YARS2: variants seen among roughly 807,000 people sequenced by gnomAD.
YARS2 encodes the protein tyrosine--tRNA ligase, mitochondrial.
YARS2 carries 38 observed loss-of-function variants against 45.0 expected under a neutral mutation model. The ratio of observed to expected loss-of-function variants is 0.84; its 90% CI spans 0.65 to 1.11. The LOEUF (loss-of-function observed/expected upper bound fraction) is 1.11. YARS2 is among the 50% of genes least tolerant of loss of function. YARS2 has a pLI of 0.00. For missense variants in YARS2, 602 were observed against 599.8 expected (o/e 1.00, Z -0.04); for synonymous variants, 287 against 245.1 (o/e 1.17, Z -1.60).
intron 4 of YARS2, among the ~76,000 whole-genome samples, chr12:32,748,107 C>T (rs561121523): frequency 1.3e-5 from 2 of 152,264 alleles, no homozygotes; most frequent in East Asian, 3.9e-4. Context: ...GGTTTTCTCT[C>T]ATCTGAATGT....
Position 32,746,609 on chromosome 12 carries a change from C to T in YARS2, c.*595G>A, listed in dbSNP as rs961010458. Reference sequence around the variant, plus strand: ...CTGGAGTGCAGTGGCGTGATCTCAGCTCACTGCAACCTCCATCTCCTGGGT... The same window carrying T: ...CTGGAGTGCAGTGGCGTGATCTCAGTTCACTGCAACCTCCATCTCCTGGGT... On this transcript the variant is annotated 3_prime_UTR_variant, in exon 5 of 5. Coordinates refer to ENST00000324868, the MANE Select transcript of YARS2 (RefSeq NM_001040436.3). 5 of 152,078 alleles carry T rather than the reference C, an allele frequency of 3.3e-5. No individual in the cohort carries two copies. Among genetic ancestry groups the T allele is most frequent in the African/African-American group, 4.9e-5 (2 of 40,976 alleles). The allele number at this position is 152,078 out of a possible 1,614,324, so 9.4% of individuals were successfully genotyped here.
intron 1 of YARS2, among the ~76,000 whole-genome samples, 181 bp from the exon 2 acceptor site, chr12:32,754,266 A>C (rs1955804114): frequency 6.6e-6 from 1 of 152,134 alleles, no homozygotes; most frequent in Admixed American, 6.5e-5. Context: ...TCTGAACCTC[A>C]TGAGTGGTTC....
intron 4 of YARS2, among the ~76,000 whole-genome samples, chr12:32,749,177 T>G (rs1158598507): frequency 1.3e-5 from 2 of 152,188 alleles, no homozygotes; most frequent in East Asian, 3.8e-4. Flanking sequence ...TTTCAGAAAT[T>G]CAGTTAATAC....
intron 2 of YARS2, among the ~76,000 whole-genome samples, chr12:32,751,707 G>A (rs1955749190): frequency 6.6e-6 from 1 of 152,138 alleles, no homozygotes; most frequent in Non-Finnish European, 1.5e-5. Flanking sequence ...GCATTTGTTG[G>A]ATCCTCAAAA....
At chr12:32,748,510 G>A (rs377124340) in intron 4 of YARS2, among the ~76,000 whole-genome samples, 1 of 152,208 alleles carries the variant, frequency 6.6e-6, no homozygotes, top group East Asian at 1.9e-4. Flanking sequence ...TAAATCAGAT[G>A]TGGTGTCATT....
Position 32,747,032 on chromosome 12 carries a change from CA to C in YARS2, c.*171del. The C allele has an allele frequency of 1.6e-6, 1 of 621,580 alleles. No homozygotes were observed. Among genetic ancestry groups the C allele is most frequent in the Non-Finnish European group, 2.8e-6 (1 of 362,660 alleles). The allele number at this position is 621,580 out of a possible 1,614,324, so 38.5% of individuals were successfully genotyped here. ...GAAAATAAAACATCCCATTATTAAA[CA>C]AATATTTATTAACCGGCCCATAAAA... is the stretch of plus-strand genomic sequence containing the variant. On this transcript the variant is annotated 3_prime_UTR_variant, in exon 5 of 5. Transcript: ENST00000324868.
At position 32,750,736 on chromosome 12, in the gene YARS2, T is replaced by C. The variant is rs935228411; in HGVS notation, c.1086A>G (p.Gly362=). 5 of 1,614,062 alleles carry C rather than the reference T, an allele frequency of 3.1e-6. No homozygotes were observed. The African/African-American group carries it at 4.0e-5, about 13-fold the overall frequency. The change falls in exon 3 of 5, where the codon GGA becomes GGG. Residue 362 remains glycine, a synonymous_variant. Transcript: ENST00000324868. ...EVTKLVHGRE[G]LDSAKRCTQA... ...ACTACTACCTTTTAGCAGAATCCAA[T>C]CCTTCTCGTCCATGAACAAGCTTTG...
At position 32,752,686 on chromosome 12, in the gene YARS2, AGC is replaced by A. The variant is rs1565559118; in HGVS notation, c.947+1230_947+1231del. ...AACCCAGGAGGCGGAGGTTGCAATG[AGC>A]CAAGATCATGCCACTACACTCTAGC... On this transcript the variant is annotated intron_variant, in intron 2 of 4. Transcript: ENST00000324868. 3.0e-5 allele frequency: 9 copies of A among 301,912 alleles called. 1 individual carries two copies. Among genetic ancestry groups the A allele is most frequent in the South Asian group, 2.6e-4 (9 of 34,688 alleles). 18.7% of individuals were successfully genotyped at this position (301,912 alleles called of 1,614,324 possible). A position where few individuals can be genotyped will look rare whatever the true frequency, so the allele number is the denominator to read the frequency against.
At position 32,750,710 on chromosome 12, in the gene YARS2, AACT is replaced by A. The variant is rs1240730801; in HGVS notation, c.1103+6_1103+8del. The A allele has an allele frequency of 3.1e-6, 5 of 1,613,626 alleles. No homozygotes were observed. The highest frequency in any genetic ancestry group is 4.2e-6 in the Non-Finnish European group (5 of 1,179,996). On this transcript the variant is annotated splice_donor_region_variant and intron_variant, in intron 3 of 4. Coordinates refer to ENST00000324868, the MANE Select transcript of YARS2 (RefSeq NM_001040436.3). Reference sequence around the variant, plus strand: ...TAACTATCAAGTGTTAATCATACTAAACTACTACCTTTTAGCAGAATCCAATCC... The same window carrying A: ...TAACTATCAAGTGTTAATCATACTAAACTACCTTTTAGCAGAATCCAATCC...
At chr12:32,754,195 G>C in intron 1 of YARS2, 110 bp from the exon 2 acceptor site, 1 of 1,236,368 alleles carries the variant, frequency 8.1e-7, no homozygotes, top group East Asian at 2.3e-5. Context: ...AAACTTCCTT[G>C]ACCTCCTAAA....
intron 2 of YARS2, among the ~76,000 whole-genome samples, chr12:32,751,783 T>G (rs529031499): frequency 1.4e-4 from 22 of 152,278 alleles, no homozygotes; most frequent in African/African-American, 5.1e-4. Flanking sequence ...TATGAGAATC[T>G]AATGCAACCG....
intron 4 of YARS2, 150 bp from the exon 5 acceptor site, chr12:32,747,513 T>A: frequency 2.6e-6 from 2 of 782,170 alleles, no homozygotes; most frequent in Non-Finnish European, 4.2e-6. Flanking sequence ...TGCTCTATTA[T>A]TAATAGATTC....
rs2137650586 is a variant in YARS2, at chr12:32,750,031, TA to T, written c.1179del (p.Phe393LeufsTer18). The T allele has an allele frequency of 6.2e-7, 1 of 1,614,098 alleles. No individual in the cohort carries two copies. Among genetic ancestry groups the T allele is most frequent in the Non-Finnish European group, 8.5e-7 (1 of 1,179,946 alleles). Reference protein sequence around the residue: ...VMSDQELKELFKEAPFSEFFL... With the variant: ...VMSDQELKELXKEAPFSEFFL... ...AAAAATTCAGAAAATGGAGCTTCTT[TA>T]AACAACTCTTTTAACTCCTGATCAG... On this transcript the variant is annotated frameshift_variant, in exon 4 of 5. Transcript: ENST00000324868. LOFTEE classifies it high-confidence loss of function.
At chr12:32,750,639 T>G in intron 3 of YARS2, 80 bp downstream of exon 3, 1 of 1,573,332 alleles carries the variant, frequency 6.4e-7, no homozygotes, top group South Asian at 1.1e-5. Flanking sequence ...GACAAGATAA[T>G]CCTAAAACAT....
Position 32,755,837 on chromosome 12 carries a change from C to T in YARS2, c.38G>A (p.Arg13Gln). The T allele has an allele frequency of 6.2e-7, 1 of 1,613,378 alleles. No individual in the cohort carries two copies. Among genetic ancestry groups the T allele is most frequent in the South Asian group, 1.1e-5 (1 of 91,086 alleles). The change falls in exon 1 of 5, where the codon CGG becomes CAG. Residue 13 changes from arginine (R) to glutamine (Q), a missense_variant. Arg to Gln is a conservative substitution (Grantham distance 43). Coordinates refer to ENST00000324868, the MANE Select transcript of YARS2 (RefSeq NM_001040436.3). The stretch of plus-strand genomic sequence containing the variant: ...TGAGAGATTTAGGGTACCAGACCAC[C>T]GGCCCCAGGAAAAGGACCGCAAGAT... ...APILRSFSWG[R>Q]WSGTLNLSVL...
intron 2 of YARS2, among the ~76,000 whole-genome samples, chr12:32,752,099 A>C (rs559310296): frequency 2.6e-5 from 4 of 152,208 alleles, no homozygotes; most frequent in Middle Eastern, 6.8e-3. Context: ...GTGCAGGGAC[A>C]CTCTACGATA....
At chr12:32,750,904 TATATAAC>T (rs1169163096) in intron 2 of YARS2, 30 bp from the exon 3 acceptor site, 1 of 1,611,762 alleles carries the variant, frequency 6.2e-7, no homozygotes, top group East Asian at 2.2e-5. Context: ...GAGTTACACT[TATATAAC>T]ATACCTAATT....
At chr12:32,750,561 CCTT>C (rs1255169608) in intron 3 of YARS2, among the ~76,000 whole-genome samples, 155 bp downstream of exon 3, 1 of 152,216 alleles carries the variant, frequency 6.6e-6, no homozygotes, top group Non-Finnish European at 1.5e-5. Context: ...TCAAGATAAT[CCTT>C]CTTTCCAATA....
rs765664593 is a variant in YARS2 at position 32,755,509 on chromosome 12, C to T, written c.366G>A (p.Pro122=). ...CCTCGCGTTCCTTGGTACGGCCGCT[C>T]GGGTCTCCCAGGCGCGCCGTGGCGC... ...VGGATARLGD[P]SGRTKEREAL... Residue 122 remains proline, a synonymous_variant, in exon 1 of 5, where the codon CCG becomes CCA. Transcript: ENST00000324868. The T allele has an allele frequency of 2.0e-5, 33 of 1,612,418 alleles. No individual in the cohort carries two copies. Among genetic ancestry groups the T allele is most frequent in the Non-Finnish European group, 2.6e-5 (31 of 1,179,494 alleles).
Sources: allele counts gnomAD v4.1 joint callset (sites outside exome capture counted in the v4.1 genomes callset), GRCh38; gene constraint gnomAD v4.1.1; transcripts MANE v1.5; gene names NCBI Gene and HGNC (gene_info 2026-07-23, HGNC 2026-07-21).